The following USP14 variants were observed in gnomAD, a reference collection of about 807,000 sequenced individuals.
USP14 encodes the protein ubiquitin specific peptidase 14, also known as ubiquitin carboxyl-terminal hydrolase 14.
A neutral mutation model predicts 76.5 loss-of-function variants in USP14; 38 were observed. The ratio of observed to expected loss-of-function variants is 0.50; its 90% CI spans 0.38 to 0.65. The LOEUF is 0.65. USP14 is among the 30% of genes least tolerant of loss of function. USP14 has a pLI of 0.00. For missense variants in USP14, 467 were observed against 586.5 expected, an observed-to-expected ratio of 0.80 and a Z score of 2.10; for synonymous variants, 192 against 191.7, an observed-to-expected ratio of 1.00 and a Z score of -0.01.
At chr18:182,871 G>A (rs1009025354) in intron 5 of USP14, among the ~76,000 whole-genome samples, 2 of 152,208 alleles carry the variant, frequency 1.3e-5, no homozygotes, top group Non-Finnish European at 2.9e-5. Flanking sequence ...AAGGATGGAT[G>A]TAGAAACGGT....
At chr18:210,291 C>G in intron 14 of USP14, 95 bp from the exon 15 acceptor site, 1 of 914,772 alleles carries the variant, frequency 1.1e-6, no homozygotes, top group Non-Finnish European at 1.7e-6. Flanking sequence ...ATAATACTTT[C>G]GTAATGTGAA....
At chr18:207,820 A>G (rs2143099285) in intron 13 of USP14, among the ~76,000 whole-genome samples, 1 of 152,290 alleles carries the variant, frequency 6.6e-6, no homozygotes. Context: ...ATTCCTAAAT[A>G]GTTTATTCTT....
intron 3 of USP14, among the ~76,000 whole-genome samples, chr18:172,477 C>T (rs1568417183): frequency 6.6e-6 from 1 of 152,164 alleles, no homozygotes; most frequent in Non-Finnish European, 1.5e-5. Context: ...AGGTTTGACT[C>T]CAGTTTCGAA....
intron 10 of USP14, among the ~76,000 whole-genome samples, chr18:200,828 GTCTC>G (rs1344482866): frequency 2.0e-5 from 3 of 152,084 alleles, no homozygotes; most frequent in African/African-American, 7.2e-5. Flanking sequence ...TTGAGACGGA[GTCTC>G]TCTCTGTCAC....
At chr18:180,368 G>A in intron 5 of USP14, 29 bp downstream of exon 5, 1 of 1,410,312 alleles carries the variant, frequency 7.1e-7, no homozygotes, top group Non-Finnish European at 9.8e-7. Flanking sequence ...TTGGGTAAGG[G>A]ATGTTCACAT....
chr18:168,340 C>T (rs746038140), intron 3 of USP14, among the ~76,000 whole-genome samples: 4 of 152,160 alleles, frequency 2.6e-5, no homozygotes, highest in East Asian at 1.9e-4. Flanking sequence ...TGTACATAAA[C>T]GTGTTATCTG....
Position 200,344 on chromosome 18 carries a change from A to G in USP14, c.876+1028A>G. 1.3e-5 allele frequency among the ~76,000 whole-genome samples: 2 copies of G among 152,162 alleles called. 1 individual carries two copies. The highest frequency in any genetic ancestry group is 4.8e-5 in the African/African-American group (2 of 41,444). On this transcript the variant is annotated intron_variant, in intron 10 of 15. Transcript: ENST00000261601. ...AGGGTGATCATATAATGTATTGTCT[A>G]AACCAGGACACTTTGGTGGAGAGTG...
At chr18:167,901 G>A (rs924124376) in intron 3 of USP14, among the ~76,000 whole-genome samples, 2 of 150,202 alleles carry the variant, frequency 1.3e-5, no homozygotes, top group African/African-American at 4.9e-5. Flanking sequence ...AGTGTTCATG[G>A]CTAGAATGTA....
rs145490606 is a variant in USP14, at chr18:159,436, T to C, written c.16+722T>C. 9.1e-4 allele frequency among the ~76,000 whole-genome samples: 138 copies of C among 152,316 alleles called. 2 individuals are homozygous for C. In the East Asian group the frequency reaches 0.024, roughly 26 times the overall value. On this transcript the variant is annotated intron_variant, in intron 1 of 15. Transcript: ENST00000261601. ...CCAGGGTACTGGCCAGGGATCACTTTTACTTAGGGAATGGACCTTGCTGCT... is the reference window on the plus strand; with the variant it reads ...CCAGGGTACTGGCCAGGGATCACTTCTACTTAGGGAATGGACCTTGCTGCT...
At chr18:164,428 A>G (rs516905) in intron 2 of USP14, among the ~76,000 whole-genome samples, 2 of 150,832 alleles carry the variant, frequency 1.3e-5, no homozygotes, top group East Asian at 3.9e-4. Flanking sequence ...CCTTTATTGC[A>G]TCCTACCCAT....
intron 10 of USP14, among the ~76,000 whole-genome samples, 199 bp downstream of exon 10, chr18:199,515 C>T (rs980044849): frequency 6.6e-6 from 1 of 152,050 alleles, no homozygotes; most frequent in Non-Finnish European, 1.5e-5. Flanking sequence ...TAAACAAATA[C>T]CATTTTAGCA....
At chr18:160,484 C>T (rs184072195) in intron 1 of USP14, among the ~76,000 whole-genome samples, 4 of 152,264 alleles carry the variant, frequency 2.6e-5, no homozygotes, top group Admixed American at 6.5e-5. Context: ...GATCACGCCA[C>T]TGCACTCCAG....
At chr18:196,182 G>C (rs1910228332) in intron 6 of USP14, among the ~76,000 whole-genome samples, 1 of 151,858 alleles carries the variant, frequency 6.6e-6, no homozygotes, top group Non-Finnish European at 1.5e-5. Flanking sequence ...AAATTAGCCA[G>C]GCATGGTGGC....
chr18:197,567 A>G lies in USP14; in HGVS notation c.595-49A>G, dbSNP rs778449140. 1.2e-5 allele frequency: 17 copies of G among 1,451,216 alleles called. No individual in the cohort carries two copies. The Admixed American group carries it at 2.0e-4, about 17-fold the overall frequency. 89.9% of individuals were successfully genotyped at this position (1,451,216 alleles called of 1,614,324 possible). On this transcript the variant is annotated intron_variant, in intron 7 of 15. Coordinates refer to ENST00000261601, the MANE Select transcript of USP14 (RefSeq NM_005151.4). ...AGTGATTATTTTGGAAGAACTTTGT[A>G]GATCATTCACTGCCAGGATTACTTA... is the stretch of plus-strand genomic sequence containing the variant.
chr18:201,264 C>T (rs1029047430), intron 10 of USP14, among the ~76,000 whole-genome samples: 3 of 152,198 alleles, frequency 2.0e-5, no homozygotes, highest in Admixed American at 6.5e-5. Flanking sequence ...CTCCTCTAAC[C>T]ATGACCAATA....
At chr18:195,183 T>C (rs1009728297) in intron 6 of USP14, among the ~76,000 whole-genome samples, 5 of 152,310 alleles carry the variant, frequency 3.3e-5, no homozygotes, top group Admixed American at 6.5e-5. Flanking sequence ...GTTGATGGTA[T>C]ATACTAGATC....
In USP14 at chr18:172,698, TTAGA is replaced by T. The variant is rs1474823283; in HGVS notation, c.195+5881_195+5884del. ...TGCAAGAAGATCATTAACTGAAGGC[TTAGA>T]TGATTGTCAGCTTTTTTTTTTAAGC... On this transcript the variant is annotated intron_variant, in intron 3 of 15. Coordinates refer to ENST00000261601, the MANE Select transcript of USP14 (RefSeq NM_005151.4). Among the ~76,000 whole-genome samples the T allele has an allele frequency of 2.0e-5, 3 of 151,704 alleles. No individual in the cohort carries two copies. The East Asian group carries it at 5.8e-4, about 29-fold the overall frequency.
rs937818664 is a variant in USP14, at chr18:214,513, A to C, written c.*3229A>C. 1.2e-6 allele frequency: 1 copy of C among 853,418 alleles called. No homozygotes were observed. The highest frequency in any genetic ancestry group is 1.7e-5 in the African/African-American group (1 of 58,534). 52.9% of individuals were successfully genotyped at this position (853,418 alleles called of 1,614,324 possible). On this transcript the variant is annotated 3_prime_UTR_variant, in exon 16 of 16. Transcript: ENST00000261601. ...TGTTCTCAGAGCACCAGCCGACTGT[A>C]CAACAATTGTTATAAAAATGTTTAT... is the stretch of plus-strand genomic sequence containing the variant.
chr18:175,989 G>C (rs1163089882), intron 3 of USP14, among the ~76,000 whole-genome samples: 3 of 151,656 alleles, frequency 2.0e-5, no homozygotes, highest in Non-Finnish European at 4.4e-5. Context: ...TAAGGAATTG[G>C]TTCATTTAAG....
Sources: gnomAD v4.1 joint callset for allele counts (sites outside exome capture counted in the v4.1 genomes callset) on GRCh38, gnomAD v4.1.1 for gene constraint, MANE v1.5 for transcripts, NCBI Gene and HGNC (gene_info 2026-07-23, HGNC 2026-07-21) for gene names.